ANGEL2: variants seen among roughly 807,000 people sequenced by gnomAD.
The protein encoded by ANGEL2 is RNA 2',3'-cyclic phosphatase ANGEL2.
ANGEL2 carries 41 observed loss-of-function variants against 66.0 expected under a neutral mutation model. The ratio of observed to expected loss-of-function variants is 0.62; its 90% CI spans 0.48 to 0.81. ANGEL2 has a LOEUF of 0.81. Among genes scored for constraint, ANGEL2 ranks in the 30% least tolerant of loss-of-function variants. The pLI, the probability that ANGEL2 is intolerant of heterozygous loss-of-function variation, is 0.00. For missense variants in ANGEL2, 561 were observed against 641.6 expected (o/e 0.87, Z 1.36); for synonymous variants, 208 against 226.5 (o/e 0.92, Z 0.73).
At chr1:213,008,761 T>C (rs2076414522) in intron 2 of ANGEL2, among the ~76,000 whole-genome samples, 1 of 152,220 alleles carries the variant, frequency 6.6e-6, no homozygotes, top group South Asian at 2.1e-4. Context: ...GAGGTTGTGG[T>C]TTCTCACTTC....
rs2075967515 is a variant in ANGEL2 at position 212,995,359 on chromosome 1, AATT to A, written c.1484-170_1484-168del. On this transcript the variant is annotated intron_variant, in intron 8 of 8. Transcript: ENST00000366962. Reference sequence around the variant, plus strand: ...TCTAAGCTTTATTGAATTATAACCTAATTATAATTATCAAACACACAGCAGTTT... The same window carrying A: ...TCTAAGCTTTATTGAATTATAACCTAATAATTATCAAACACACAGCAGTTT... Among the ~76,000 whole-genome samples the A allele has an allele frequency of 5.2e-5, 8 of 152,390 alleles. No homozygotes were observed. In the South Asian group the frequency reaches 1.7e-3, roughly 32 times the overall value.
In ANGEL2 at chr1:213,005,286, G is replaced by C; in HGVS notation, c.881C>G (p.Pro294Arg). The change falls in exon 5 of 9, where the codon CCC (proline) becomes CGC (arginine). Residue 294 changes from proline (P) to arginine (R), a missense_variant. Pro to Arg is a moderately radical substitution (Grantham distance 103). Transcript: ENST00000366962. Reference protein sequence around the residue: ...DNVGLVLLLQPKIPYAACPAI... With the variant: ...DNVGLVLLLQRKIPYAACPAI... ...AGGGCAGGCAGCATATGGAATTTTGGGCTGTAAGAGTAAAACTAATCCAAC... is the reference window on the plus strand; with the variant it reads ...AGGGCAGGCAGCATATGGAATTTTGCGCTGTAAGAGTAAAACTAATCCAAC... The C allele has an allele frequency of 6.2e-7, 1 of 1,614,176 alleles. No homozygotes were observed. The highest frequency in any genetic ancestry group is 8.5e-7 in the Non-Finnish European group (1 of 1,180,042).
chr1:213,015,279 G>T, intron 1 of ANGEL2: 1 of 1,178,756 alleles, frequency 8.5e-7, no homozygotes, highest in African/African-American at 1.6e-5. Flanking sequence ...GTGCTGCGGA[G>T]TGTGTGGAGC....
At position 212,992,994 on chromosome 1, in the gene ANGEL2, T is replaced by C. The variant is rs1053568670; in HGVS notation, c.*2047A>G. On this transcript the variant is annotated 3_prime_UTR_variant, in exon 9 of 9. Transcript: ENST00000366962. ...TAAAATGTGGGAAATCCTAGAACTA[T>C]AATTAATACTGTAATTAAAATCCCC... is the stretch of plus-strand genomic sequence containing the variant. The C allele has an allele frequency of 7.9e-5, 12 of 152,196 alleles. No homozygotes were observed. The highest frequency in any genetic ancestry group is 1.3e-4 in the Non-Finnish European group (9 of 68,032). 9.4% of individuals were successfully genotyped at this position (152,196 alleles called of 1,614,324 possible).
intron 3 of ANGEL2, among the ~76,000 whole-genome samples, chr1:213,007,562 T>G (rs1364598923): frequency 6.6e-6 from 1 of 152,198 alleles, no homozygotes; most frequent in African/African-American, 2.4e-5. Flanking sequence ...GTAGGTGACA[T>G]TTTTGCATGA....
rs1431168765 is a variant in ANGEL2, at chr1:213,007,705, C to A, written c.642+505G>T. Among the ~76,000 whole-genome samples, 3 of 152,202 alleles carry A rather than the reference C, an allele frequency of 2.0e-5. No homozygotes were observed. The East Asian group carries it at 5.8e-4, about 29-fold the overall frequency. On this transcript the variant is annotated intron_variant, in intron 3 of 8. Transcript: ENST00000366962. Reference sequence around the variant, plus strand: ...AAAGTTAGATGATTATTCATACCAGCAACCACTAACAAATGCCTCTCTGAA... The same window carrying A: ...AAAGTTAGATGATTATTCATACCAGAAACCACTAACAAATGCCTCTCTGAA...
chr1:213,015,566 G>A, intron 1 of ANGEL2, 47 bp downstream of exon 1: 3 of 1,173,666 alleles, frequency 2.6e-6, no homozygotes, highest in East Asian at 7.1e-5. Flanking sequence ...CGCTCTTTCA[G>A]GCCGCCCGCC....
At chr1:213,015,533 C>CCCGGTATT in intron 1 of ANGEL2, 80 bp downstream of exon 1, 1 of 1,533,132 alleles carries the variant, frequency 6.5e-7, no homozygotes, top group Non-Finnish European at 8.8e-7. Context: ...CGCCCCGCCC[C>CCCGGTATT]GGGTTAGTCC....
At chr1:213,009,751 C>A (rs2076445738) in intron 2 of ANGEL2, among the ~76,000 whole-genome samples, 1 of 152,148 alleles carries the variant, frequency 6.6e-6, no homozygotes, top group African/African-American at 2.4e-5. Flanking sequence ...ATGAAGTAAT[C>A]ATTTTAAAGT....
rs781394198 is a variant in ANGEL2 at position 213,008,307 on chromosome 1, T to C, written c.545A>G (p.Asp182Gly). 1.9e-6 allele frequency: 3 copies of C among 1,614,176 alleles called. No individual in the cohort carries two copies. Among genetic ancestry groups the C allele is most frequent in the Middle Eastern group, 1.6e-4 (1 of 6,062 alleles). ...GCAATGTCTATAAAGGTGAGAGTTA[T>C]CTTCCAGTAAATCTTGTGAAAGTAT... Reference protein sequence around the residue: ...YNILSQDLLEDNSHLYRHCRR... With the variant: ...YNILSQDLLEGNSHLYRHCRR... Residue 182 changes from aspartate to glycine, a missense_variant, in exon 3 of 9, where the codon GAT becomes GGT. Coordinates refer to ENST00000366962, the MANE Select transcript of ANGEL2 (RefSeq NM_144567.5).
At chr1:213,002,236 AT>A (rs2076197428) in intron 5 of ANGEL2, 1 of 152,216 alleles carries the variant, frequency 6.6e-6, no homozygotes. Flanking sequence ...ATGAAAAAAC[AT>A]TCATTTCCTT....
At chr1:213,008,150 C>T in intron 3 of ANGEL2, 60 bp downstream of exon 3, 1 of 1,550,212 alleles carries the variant, frequency 6.5e-7, no homozygotes, top group Non-Finnish European at 8.7e-7. Context: ...AAGCATGAGC[C>T]AGTGTGCCCG....
rs1572168086 is a variant in ANGEL2, at chr1:213,015,812, G to A, written c.-141C>T. 1.8e-6 allele frequency: 2 copies of A among 1,137,614 alleles called. No homozygotes were observed. The highest frequency in any genetic ancestry group is 1.4e-5 in the South Asian group (1 of 70,250). The allele number at this position is 1,137,614 out of a possible 1,614,324, so 70.5% of individuals were successfully genotyped here. A position where few individuals can be genotyped will look rare whatever the true frequency, so the allele number is the denominator to read the frequency against. ...GTCCTGGCTGCAAGGCATGCTGGGA[G>A]GTGCAGTCTCGCCGGCCGGCCTACA... On this transcript the variant is annotated 5_prime_UTR_variant, in exon 1 of 9. Transcript: ENST00000366962.
chr1:213,002,781 C>T (rs1007018530), intron 5 of ANGEL2, among the ~76,000 whole-genome samples: 15 of 151,896 alleles, frequency 9.9e-5, no homozygotes, highest in Non-Finnish European at 2.9e-5. Context: ...ATTAGCCCGG[C>T]GTGGAGGCAT....
At chr1:213,000,742 C>T (rs753050917) in intron 6 of ANGEL2, 44 bp downstream of exon 6, 4 of 1,556,876 alleles carry the variant, frequency 2.6e-6, no homozygotes. Context: ...TCAAAGGGAA[C>T]ATGATTACCC....
rs1558168518 is a variant in ANGEL2 at position 212,997,217 on chromosome 1, C to A, written c.1421G>T (p.Ser474Ile). ...IPEVTTCHSR[S>I]AITVDYIFYS... The stretch of plus-strand genomic sequence containing the variant: ...GAAAATATAATCCACAGTTATGGCA[C>A]TTCGGGAATGACAGGTGGTCACTTC... Residue 474 changes from serine to isoleucine, a missense_variant, in exon 8 of 9, where the codon AGT becomes ATT. By Grantham distance (142) the Ser-to-Ile change is moderately radical. Transcript: ENST00000366962. 1 of 1,614,022 alleles carries A rather than the reference C, an allele frequency of 6.2e-7. No homozygotes were observed. Among genetic ancestry groups the A allele is most frequent in the Non-Finnish European group, 8.5e-7 (1 of 1,179,928 alleles).
chr1:213,011,594 C>T, intron 2 of ANGEL2: 1 of 393,574 alleles, frequency 2.5e-6, no homozygotes, highest in Non-Finnish European at 3.5e-6. Flanking sequence ...GTGTGTTAGG[C>T]ACTTTGACAT....
rs752882028 is a variant in ANGEL2 at position 213,005,218 on chromosome 1, G to A, written c.949C>T (p.Arg317Ter). The change falls in exon 5 of 9, where the codon CGA becomes TGA. Residue 317 changes from arginine to a stop codon, truncating the protein, a stop_gained. Transcript: ENST00000366962. LOFTEE classifies it high-confidence loss of function. ...AATTGCGTCAGCTTAATATCACCTC[G>A]CCTTGGATTATACAACAGATGCGTA... The part of the protein sequence containing the change: ...ANTHLLYNPR[R>*]GDIKLTQLAM... 3 of 1,614,204 alleles carry A rather than the reference G, an allele frequency of 1.9e-6. No homozygotes were observed. The highest frequency in any genetic ancestry group is 1.1e-5 in the South Asian group (1 of 91,084).
chr1:213,015,313 G>C, intron 1 of ANGEL2: 1 of 1,329,478 alleles, frequency 7.5e-7, no homozygotes, highest in Non-Finnish European at 9.6e-7. Flanking sequence ...TCTGGAGGCT[G>C]GGTTGGGGGA....
Sources: allele counts gnomAD v4.1 joint callset (sites outside exome capture counted in the v4.1 genomes callset), GRCh38; gene constraint gnomAD v4.1.1; transcripts MANE v1.5; gene names NCBI Gene and HGNC (gene_info 2026-07-23, HGNC 2026-07-21).